Variants in ZBED1 observed in about 807,000 individuals in gnomAD.
ZBED1 encodes the protein E3 SUMO-protein ligase ZBED1.
ZBED1 carries 19 observed loss-of-function variants against 49.7 expected under a neutral mutation model. That is an observed-to-expected ratio of 0.38 (90% CI 0.27 to 0.56). The LOEUF (loss-of-function observed/expected upper bound fraction) is 0.56. Ranked by LOEUF, ZBED1 falls within the 20% of genes least tolerant of loss-of-function variation. The pLI is 0.70. For synonymous variants in ZBED1, 439 were observed against 440.3 expected (o/e 1.00, Z 0.04); for missense variants, 806 against 972.6 (o/e 0.83, Z 2.28).
At chrX:2,492,746 G>A (rs923019200) in intron 1 of ZBED1, among the ~76,000 whole-genome samples, 33 of 152,230 alleles carry the variant, frequency 2.2e-4, no homozygotes, top group African/African-American at 7.7e-4. Context: ...AGCTGGGAGA[G>A]GCAGGAAGCA....
At position 2,487,154 on chromosome X, in the gene ZBED1, C is replaced by G. The variant is rs1180488816; in HGVS notation, c.*1481G>C. On this transcript the variant is annotated 3_prime_UTR_variant, in exon 2 of 2. Transcript: ENST00000652001. Reference sequence around the variant, plus strand: ...TTCTGTTTCCCTGAATGACTGAAAGCAACTCGCAGGAATCCAGCCACGGAA... The same window carrying G: ...TTCTGTTTCCCTGAATGACTGAAAGGAACTCGCAGGAATCCAGCCACGGAA... 1.3e-5 allele frequency: 2 copies of G among 152,246 alleles called. No individual in the cohort carries two copies. The highest frequency in any genetic ancestry group is 2.4e-5 in the African/African-American group (1 of 41,460). The allele number at this position is 152,246 out of a possible 1,614,324, so 9.4% of individuals were successfully genotyped here.
intron 1 of ZBED1, among the ~76,000 whole-genome samples, chrX:2,492,048 G>A (rs1433528321): frequency 6.6e-6 from 1 of 152,180 alleles, no homozygotes; most frequent in South Asian, 2.1e-4. Context: ...GCACCACCCA[G>A]GCACGTTCAG....
In ZBED1 at chrX:2,492,861, G is replaced by A. The variant is rs770484341; in HGVS notation, c.-53-2089C>T. ...AATAAGCTATGGTTTTAAGCCCTCC[G>A]GTTTCTGGTACTTTATTAAAGCAAG... On this transcript the variant is annotated intron_variant, in intron 1 of 1. Transcript: ENST00000652001. 3.0e-4 allele frequency among the ~76,000 whole-genome samples: 46 copies of A among 152,326 alleles called. No homozygotes were observed. In the South Asian group the frequency reaches 5.0e-3, roughly 16 times the overall value.
chrX:2,489,153 C>G lies in ZBED1; in HGVS notation c.1567G>C (p.Val523Leu). Residue 523 changes from valine (V) to leucine (L), a missense_variant, in exon 2 of 2, where the codon GTG becomes CTG. Physicochemically the swap from Val to Leu is conservative, Grantham distance 32 (BLOSUM62 1). Coordinates refer to ENST00000652001, the MANE Select transcript of ZBED1 (RefSeq NM_001171136.2). ...YRPAEDKIFP[V>L]PEEPPVKKLM... The stretch of plus-strand genomic sequence containing the variant: ...TTCTTGACGGGAGGCTCCTCGGGCA[C>G]CGGGAAGATCTTGTCCTCAGCCGGC... The G allele has an allele frequency of 6.2e-7, 1 of 1,613,614 alleles. No homozygotes were observed. Among genetic ancestry groups the G allele is most frequent in the Non-Finnish European group, 8.5e-7 (1 of 1,179,838 alleles).
At chrX:2,491,423 C>T (rs1461225958) in intron 1 of ZBED1, among the ~76,000 whole-genome samples, 1 of 152,162 alleles carries the variant, frequency 6.6e-6, no homozygotes, top group East Asian at 1.9e-4. Context: ...AAGAGTTTCC[C>T]AAGCACCTGC....
In ZBED1 at chrX:2,490,309, C is replaced by T. The variant is rs1477180123; in HGVS notation, c.411G>A (p.Gly137=). The change falls in exon 2 of 2, where the codon GGG becomes GGA. Residue 137 remains glycine, a synonymous_variant. Transcript: ENST00000652001. The part of the protein sequence containing the change: ...TAAVLGLICE[G]LYPASIVDEP... ...CGTCCACGATGGAGGCTGGGTACAG[C>T]CCCTCGCAGATGAGGCCCAGCACGG... The T allele has an allele frequency of 5.0e-6, 8 of 1,613,428 alleles. No individual in the cohort carries two copies. The Admixed American group carries it at 5.0e-5, about 10-fold the overall frequency.
intron 1 of ZBED1, among the ~76,000 whole-genome samples, chrX:2,496,186 GTTTT>G (rs2045280198): frequency 6.6e-6 from 1 of 151,658 alleles, no homozygotes; most frequent in Non-Finnish European, 1.5e-5. Context: ...TTTTATTTTT[GTTTT>G]TGTTTTTTTG....
In ZBED1 at chrX:2,489,673, G is replaced by A. The variant is rs1394159709; in HGVS notation, c.1047C>T (p.Asn349=). 5.6e-6 allele frequency: 9 copies of A among 1,612,518 alleles called. No homozygotes were observed. Among genetic ancestry groups the A allele is most frequent in the Non-Finnish European group, 7.6e-6 (9 of 1,179,782 alleles). The change falls in exon 2 of 2, where the codon AAC becomes AAT. Residue 349 remains asparagine, a synonymous_variant. Transcript: ENST00000652001. ...QNVAHCMLVS[N]RVSWWGSTLA... is the part of the protein sequence containing the mutation. ...GCGTGCTCCCCCACCAGGAGACGCG[G>A]TTGCTCACCAGCATGCAGTGGGCCA...
chrX:2,489,210 G>A lies in ZBED1; in HGVS notation c.1510C>T (p.Leu504=), dbSNP rs1477910081. The A allele has an allele frequency of 2.5e-6, 4 of 1,613,770 alleles. No individual in the cohort carries two copies. Among genetic ancestry groups the A allele is most frequent in the East Asian group, 4.5e-5 (2 of 44,882 alleles). The part of the protein sequence containing the change: ...ENRVVEEAKG[L]LDKVKDGGYR... ...CCGCCGTCTTTGACCTTGTCCAGCAGGCCCTTGGCCTCTTCCACCACGCGA... is the reference window on the plus strand; with the variant it reads ...CCGCCGTCTTTGACCTTGTCCAGCAAGCCCTTGGCCTCTTCCACCACGCGA... Residue 504 remains leucine (L), a synonymous_variant, in exon 2 of 2, where the codon CTG becomes TTG. Transcript: ENST00000652001.
intron 1 of ZBED1, among the ~76,000 whole-genome samples, chrX:2,496,009 T>C (rs1278701658): frequency 6.6e-6 from 1 of 152,170 alleles, no homozygotes; most frequent in Admixed American, 6.5e-5. Context: ...CCTAGGTTTT[T>C]GTTATTTTGG....
At chrX:2,492,105 T>C (rs2045165402) in intron 1 of ZBED1, among the ~76,000 whole-genome samples, 1 of 152,190 alleles carries the variant, frequency 6.6e-6, no homozygotes, top group Non-Finnish European at 1.5e-5. Context: ...CAATGATGAC[T>C]ATAGTGGGTT....
At position 2,489,492 on chromosome X, in the gene ZBED1, T is replaced by A; in HGVS notation, c.1228A>T (p.Met410Leu). 1 of 1,613,522 alleles carries A rather than the reference T, an allele frequency of 6.2e-7. No homozygotes were observed. The highest frequency in any genetic ancestry group is 8.5e-7 in the Non-Finnish European group (1 of 1,179,834). The change falls in exon 2 of 2, where the codon ATG becomes TTG. Residue 410 changes from methionine to leucine, a missense_variant. Physicochemically the swap from Met to Leu is conservative, Grantham distance 15. Transcript: ENST00000652001. ...LLQPFKQVAE[M>L]LSASRYPTIS... ...GTGGGGTACCTGGAGGCCGACAGCATCTCGGCCACCTGCTTGAAGGGCTGC... is the reference window on the plus strand; with the variant it reads ...GTGGGGTACCTGGAGGCCGACAGCAACTCGGCCACCTGCTTGAAGGGCTGC...
chrX:2,492,006 A>C (rs1383265615), intron 1 of ZBED1, among the ~76,000 whole-genome samples: 1 of 152,218 alleles, frequency 6.6e-6, no homozygotes, highest in Admixed American at 6.5e-5. Flanking sequence ...CCAAGTGTCC[A>C]GTACAGTGCT....
At chrX:2,498,492 CTTAAG>C (rs2045334920) in intron 1 of ZBED1, among the ~76,000 whole-genome samples, 1 of 152,162 alleles carries the variant, frequency 6.6e-6, no homozygotes, top group Non-Finnish European at 1.5e-5. Context: ...GGGCAAGCCA[CTTAAG>C]TTAATCTTTA....
chrX:2,496,814 T>A (rs922165149), intron 1 of ZBED1, among the ~76,000 whole-genome samples: 1 of 149,876 alleles, frequency 6.7e-6, no homozygotes, highest in African/African-American at 2.4e-5. Flanking sequence ...TTTATTTACA[T>A]CTAAATTATA....
intron 1 of ZBED1, among the ~76,000 whole-genome samples, chrX:2,498,221 T>TC (rs1421463052): frequency 1.3e-5 from 2 of 152,126 alleles, no homozygotes; most frequent in East Asian, 3.9e-4. Flanking sequence ...AAGAACACGC[T>TC]CCATTTGGAA....
chrX:2,486,803 G>A lies in ZBED1; in HGVS notation c.*1832C>T, dbSNP rs764897841. The A allele has an allele frequency of 3.0e-4, 45 of 152,378 alleles. No homozygotes were observed. Among genetic ancestry groups the A allele is most frequent in the Non-Finnish European group, 8.8e-5 (6 of 68,054 alleles). 9.4% of individuals were successfully genotyped at this position (152,378 alleles called of 1,614,324 possible). Reference sequence around the variant, plus strand: ...CTTAAAAAGAAAGCAAAGGTTACGTGGATTTCTCCCGTGCTTCCTTTTCCA... The same window carrying A: ...CTTAAAAAGAAAGCAAAGGTTACGTAGATTTCTCCCGTGCTTCCTTTTCCA... On this transcript the variant is annotated 3_prime_UTR_variant, in exon 2 of 2. Transcript: ENST00000652001.
In ZBED1 at chrX:2,486,933, C is replaced by T. The variant is rs2044952769; in HGVS notation, c.*1702G>A. The T allele has an allele frequency of 6.6e-6, 1 of 152,242 alleles. No homozygotes were observed. Among genetic ancestry groups the T allele is most frequent in the Non-Finnish European group, 1.5e-5 (1 of 68,064 alleles). The allele number at this position is 152,242 out of a possible 1,614,324, so 9.4% of individuals were successfully genotyped here. Reference sequence around the variant, plus strand: ...AGGTAGTTCCTTTGCCCTCTGACACCCCGAGTTCTTGGGGTCTCGGCAGAA... The same window carrying T: ...AGGTAGTTCCTTTGCCCTCTGACACTCCGAGTTCTTGGGGTCTCGGCAGAA... On this transcript the variant is annotated 3_prime_UTR_variant, in exon 2 of 2. Transcript: ENST00000652001.
Position 2,489,077 on chromosome X carries a change from A to G in ZBED1, c.1643T>C (p.Leu548Pro). The change falls in exon 2 of 2, where the codon CTG becomes CCG. Residue 548 changes from leucine to proline, a missense_variant. Physicochemically the swap from Leu to Pro is moderately conservative, Grantham distance 98. This residue lies in a region of ZBED1 where 749 missense variants were observed against 861.3 expected (regional missense o/e 0.87). Coordinates refer to ENST00000652001, the MANE Select transcript of ZBED1 (RefSeq NM_001171136.2). Reference sequence around the variant, plus strand: ...GCCTGTCTGGCAGAAGATCTCGGCCAGCATGTTGTTGATGACGCTGGCGGG... The same window carrying G: ...GCCTGTCTGGCAGAAGATCTCGGCCGGCATGTTGTTGATGACGCTGGCGGG... ...PPPASVINNM[L>P]AEIFCQTGGV... 6.2e-7 allele frequency: 1 copy of G among 1,613,894 alleles called. No homozygotes were observed. Among genetic ancestry groups the G allele is most frequent in the South Asian group, 1.1e-5 (1 of 91,070 alleles).
Sources: gnomAD v4.1 joint callset for allele counts (sites outside exome capture counted in the v4.1 genomes callset) on GRCh38, gnomAD v4.1.1 for gene constraint, gnomAD v4.1.1 regional missense constraint, MANE v1.5 for transcripts, NCBI Gene and HGNC (gene_info 2026-07-23, HGNC 2026-07-21) for gene names.